The following SPON1 variants were observed in gnomAD, a reference collection of about 807,000 sequenced individuals.
SPON1 encodes spondin 1, also known as spondin-1.
Under a neutral mutation model 111.7 loss-of-function variants are expected in SPON1, and 52 were observed. The ratio of observed to expected loss-of-function variants is 0.47; its 90% CI spans 0.37 to 0.59. The LOEUF (loss-of-function observed/expected upper bound fraction) is 0.59, where lower values mean the gene tolerates loss of function less well. Among genes scored for constraint, SPON1 ranks in the 20% least tolerant of loss-of-function variants. The pLI is 0.00. For missense variants in SPON1, 957 were observed against 1,068.5 expected (o/e 0.90, Z 1.46); for synonymous variants, 410 against 395.8 (o/e 1.04, Z -0.43).
rs782094766 is a variant in SPON1 at position 14,135,444 on chromosome 11, T to C, written c.701T>C (p.Ile234Thr). ...YPRRANHWSA[I>T]IGGSHSKNYV... Reference sequence around the variant, plus strand: ...GGTCGGGCCAACCACTGGTCTGCGATCATCGGAGGATCCCACTCCAAGAAT... The same window carrying C: ...GGTCGGGCCAACCACTGGTCTGCGACCATCGGAGGATCCCACTCCAAGAAT... Residue 234 changes from isoleucine (I) to threonine (T), a missense_variant, in exon 6 of 16, where the codon ATC becomes ACC. Ile to Thr is a moderately conservative substitution (Grantham distance 89). This residue lies in a region of SPON1 where 122 missense variants were observed against 143.2 expected (regional missense o/e 0.85). Coordinates refer to ENST00000576479, the MANE Select transcript of SPON1 (RefSeq NM_006108.4). This position sits in a 1 kb window ranked among gnomAD's most constrained non-coding sequence, Gnocchi z 4.4. 6.2e-7 allele frequency: 1 copy of C among 1,613,218 alleles called. No homozygotes were observed. The highest frequency in any genetic ancestry group is 1.1e-5 in the South Asian group (1 of 91,014).
At chr11:14,088,434 C>A (rs1283712068) in intron 5 of SPON1, among the ~76,000 whole-genome samples, 2 of 152,150 alleles carry the variant, frequency 1.3e-5, no homozygotes. Context: ...AAATTCGTTT[C>A]TTTAAGAATG....
chr11:13,996,399 G>T, intron 2 of SPON1, among the ~76,000 whole-genome samples: 1 of 152,218 alleles, frequency 6.6e-6, no homozygotes, highest in East Asian at 1.9e-4. Flanking sequence ...GTGAGTGCCT[G>T]GAATGGACAT....
intron 7 of SPON1, among the ~76,000 whole-genome samples, chr11:14,251,394 T>C (rs1849052481): frequency 2.0e-5 from 3 of 152,204 alleles, no homozygotes; most frequent in Admixed American, 6.5e-5. Flanking sequence ...ATACAACAGA[T>C]TGGGCCAAAA....
chr11:14,141,565 T>TCAA, intron 6 of SPON1, among the ~76,000 whole-genome samples: 1 of 152,282 alleles, frequency 6.6e-6, no homozygotes, highest in South Asian at 2.1e-4. Context: ...AGACCTTGTT[T>TCAA]TGGAGGATGA....
intron 2 of SPON1, among the ~76,000 whole-genome samples, chr11:13,991,773 C>T (rs964036859): frequency 2.0e-5 from 3 of 152,084 alleles, no homozygotes; most frequent in Admixed American, 6.5e-5. Context: ...AGTGGACGTG[C>T]TATTCCTTTC....
chr11:14,047,313 C>T (rs1187775425), intron 3 of SPON1, among the ~76,000 whole-genome samples: 2 of 152,060 alleles, frequency 1.3e-5, no homozygotes, highest in Non-Finnish European at 2.9e-5. Context: ...TGCCTTTAAT[C>T]AAGTTGAGGA....
chr11:13,975,062 A>G (rs782141647), intron 1 of SPON1, among the ~76,000 whole-genome samples: 3 of 152,192 alleles, frequency 2.0e-5, no homozygotes, highest in Non-Finnish European at 4.4e-5. Context: ...GCCTCTTCGA[A>G]TTCACCCAGA....
intron 6 of SPON1, among the ~76,000 whole-genome samples, chr11:14,209,056 T>C (rs1331770706): frequency 2.6e-5 from 4 of 152,194 alleles, no homozygotes; most frequent in Admixed American, 2.6e-4. Flanking sequence ...AGTCATTGCA[T>C]ACATTCTAAG....
chr11:14,017,102 C>T (rs1337641996), intron 2 of SPON1, among the ~76,000 whole-genome samples: 1 of 152,136 alleles, frequency 6.6e-6, no homozygotes, highest in African/African-American at 2.4e-5. Flanking sequence ...GCTGCATTTT[C>T]CTATGTTGGT....
chr11:14,233,040 C>T (rs558115564), intron 6 of SPON1, among the ~76,000 whole-genome samples: 93 of 152,144 alleles, frequency 6.1e-4, no homozygotes, highest in African/African-American at 2.2e-3. Context: ...CCCCCATCCT[C>T]TCCTCTGCCT....
At chr11:14,046,746 G>A (rs568268058) in intron 3 of SPON1, among the ~76,000 whole-genome samples, 2 of 152,230 alleles carry the variant, frequency 1.3e-5, no homozygotes, top group South Asian at 4.1e-4. Context: ...TGTTGTGTTT[G>A]ATAAAAAATC....
chr11:14,039,870 A>G (rs1217321843), intron 2 of SPON1, among the ~76,000 whole-genome samples: 1 of 152,210 alleles, frequency 6.6e-6, no homozygotes, highest in African/African-American at 2.4e-5. Flanking sequence ...GAAAAAGACA[A>G]TAGAATCCAC....
At chr11:14,080,135 T>C in intron 5 of SPON1, 114 bp downstream of exon 5, 1 of 1,227,536 alleles carries the variant, frequency 8.1e-7, no homozygotes, top group Non-Finnish European at 1.2e-6. Context: ...ATTGGCTGGT[T>C]CATGAAATGC....
At chr11:14,014,651 C>T (rs112390094) in intron 2 of SPON1, among the ~76,000 whole-genome samples, 1,701 of 152,222 alleles carry the variant, frequency 0.011, 31 homozygotes, top group African/African-American at 0.039. Flanking sequence ...CGGGCATTTG[C>T]GCCTTCATCC....
chr11:14,239,809 C>G (rs188974454), intron 6 of SPON1, among the ~76,000 whole-genome samples: 1 of 152,332 alleles, frequency 6.6e-6, no homozygotes, highest in East Asian at 1.9e-4. Flanking sequence ...TGCTTCTCAA[C>G]TATGCTACTT....
chr11:13,962,827 G>A lies in SPON1; in HGVS notation c.-78G>A. 7.6e-7 allele frequency: 1 copy of A among 1,311,160 alleles called. No homozygotes were observed. The highest frequency in any genetic ancestry group is 9.9e-7 in the Non-Finnish European group (1 of 1,008,984). 81.2% of individuals were successfully genotyped at this position (1,311,160 alleles called of 1,614,324 possible). A position where few individuals can be genotyped will look rare whatever the true frequency, so the allele number is the denominator to read the frequency against. On this transcript the variant is annotated 5_prime_UTR_variant, in exon 1 of 16. Transcript: ENST00000576479. ...CTCCGCCGCGCCTCCGCCAGGTCGC[G>A]CCTTCGTCGGGACCACTTCGGGCAG...
intron 3 of SPON1, among the ~76,000 whole-genome samples, chr11:14,063,731 T>C (rs1246446845): frequency 6.6e-6 from 1 of 152,240 alleles, no homozygotes; most frequent in Non-Finnish European, 1.5e-5. Context: ...GTCTTTTTTA[T>C]AAGAAAGCTC....
In SPON1 at chr11:14,024,672, G is replaced by A. The variant is rs117305830; in HGVS notation, c.346-16849G>A. Among the ~76,000 whole-genome samples the A allele has an allele frequency of 3.8e-4, 58 of 152,334 alleles. No homozygotes were observed. The East Asian group carries it at 0.01, about 26-fold the overall frequency. On this transcript the variant is annotated intron_variant, in intron 2 of 15. Coordinates refer to ENST00000576479, the MANE Select transcript of SPON1 (RefSeq NM_006108.4). ...AGGATGGGGGGCATGGCTGGCCAGA[G>A]TGGTCTTGGAAAATGCAACATTTGG...
In SPON1 at chr11:14,196,642, G is replaced by A. The variant is rs144348399; in HGVS notation, c.826-46690G>A. 1.8e-4 allele frequency among the ~76,000 whole-genome samples: 28 copies of A among 152,246 alleles called. 1 individual carries two copies. In the East Asian group the frequency reaches 5.4e-3, roughly 29 times the overall value. ...ACTGAAGTAGAACATGTCTAAAATT[G>A]TCCCCAGCTCAGTGCTGGGTTTCCC... On this transcript the variant is annotated intron_variant, in intron 6 of 15. Coordinates refer to ENST00000576479, the MANE Select transcript of SPON1 (RefSeq NM_006108.4).
Sources: allele counts gnomAD v4.1 joint callset (sites outside exome capture counted in the v4.1 genomes callset), GRCh38; gene constraint gnomAD v4.1.1; regional missense constraint gnomAD v4.1.1; non-coding constraint Gnocchi (gnomAD v3.1); transcripts MANE v1.5; gene names NCBI Gene and HGNC (gene_info 2026-07-23, HGNC 2026-07-21).